The following TRPM3 variants were observed in gnomAD, a reference collection of about 807,000 sequenced individuals.
The protein encoded by TRPM3 is long transient receptor potential channel 3.
In TRPM3, 77 loss-of-function variants were observed where a neutral mutation model predicts 181.2. That is an observed-to-expected ratio of 0.42 (90% CI 0.35 to 0.51). TRPM3 has a LOEUF of 0.51. Among genes scored for constraint, TRPM3 ranks in the 20% least tolerant of loss-of-function variants. The probability of loss-of-function intolerance (pLI) is 0.01; values close to 1 mark genes in which losing one functional copy is unlikely to be tolerated. For synonymous variants in TRPM3, 745 were observed against 796.4 expected, an observed-to-expected ratio of 0.94 and a Z score of 1.09; for missense variants, 1,759 against 2,196.7, an observed-to-expected ratio of 0.80 and a Z score of 3.98.
intron 1 of TRPM3, among the ~76,000 whole-genome samples, chr9:71,140,486 T>C (rs1411170): frequency 0.95 from 144,667 of 152,242 alleles, 68,899 homozygotes; most frequent in East Asian, 1. Flanking sequence ...TTCTTCTCTC[T>C]TCCCCATCTT....
At chr9:70,976,057 T>C (rs954229522) in intron 1 of TRPM3, among the ~76,000 whole-genome samples, 2 of 152,190 alleles carry the variant, frequency 1.3e-5, no homozygotes, top group Non-Finnish European at 2.9e-5. Flanking sequence ...TTTAATTACA[T>C]CTAGCACGTA....
chr9:70,824,233 C>T (rs1051505424), intron 6 of TRPM3, among the ~76,000 whole-genome samples: 1 of 150,118 alleles, frequency 6.7e-6, no homozygotes, highest in Non-Finnish European at 1.5e-5. Flanking sequence ...TGCTGAGGGG[C>T]GTTCATACCT....
intron 1 of TRPM3, among the ~76,000 whole-genome samples, chr9:71,104,669 T>C (rs888298968): frequency 6.6e-6 from 1 of 152,200 alleles, no homozygotes; most frequent in Admixed American, 6.5e-5. Context: ...TCTTCCTCTC[T>C]TTGCTCAACT....
intron 9 of TRPM3, among the ~76,000 whole-genome samples, chr9:70,641,764 G>A (rs1038239563): frequency 3.3e-5 from 5 of 152,136 alleles, no homozygotes; most frequent in Non-Finnish European, 5.9e-5. Flanking sequence ...TCATCTAGGT[G>A]AATGCATCCT....
chr9:71,237,812 A>G (rs2081446354), intron 1 of TRPM3, among the ~76,000 whole-genome samples: 1 of 152,220 alleles, frequency 6.6e-6, no homozygotes, highest in Non-Finnish European at 1.5e-5. Context: ...CATTTGGTCT[A>G]GTGAGGGCCT....
intron 1 of TRPM3, among the ~76,000 whole-genome samples, chr9:71,299,130 CAGTCTAAG>C (rs769320040): frequency 2.0e-5 from 3 of 152,154 alleles, no homozygotes; most frequent in Non-Finnish European, 4.4e-5. Context: ...TTGCAGAGTA[CAGTCTAAG>C]ATAGATGCCA....
In TRPM3 at chr9:70,846,555, G is replaced by A. The variant is rs146800889; in HGVS notation, c.499C>T (p.Leu167Phe). ...RVSFDTKPDL[L>F]LHLMTKEWQL... The stretch of plus-strand genomic sequence containing the variant: ...CATTCCTTGGTCATCAGGTGTAAGA[G>A]GAGATCAGGTTTTGTATCAAAAGAT... Residue 167 changes from leucine (L) to phenylalanine (F), a missense_variant, in exon 4 of 26, where the codon CTC (leucine) becomes TTC (phenylalanine). Leu to Phe is a conservative substitution (Grantham distance 22). Around this residue, in one of 8 missense-constraint regions of TRPM3, gnomAD observed 737 missense variants for 957.4 expected, o/e 0.77. Transcript: ENST00000677713. The A allele has an allele frequency of 1.3e-4, 204 of 1,614,124 alleles. No individual in the cohort carries two copies. The highest frequency in any genetic ancestry group is 2.7e-4 in the East Asian group (12 of 44,872).
intron 1 of TRPM3, among the ~76,000 whole-genome samples, chr9:71,211,038 G>A (rs1380169736): frequency 2.6e-5 from 4 of 152,156 alleles, no homozygotes; most frequent in African/African-American, 7.2e-5. Context: ...ATACAGTCAC[G>A]TTGAGGGTTA....
intron 8 of TRPM3, chr9:70,761,220 T>C: frequency 1.7e-6 from 1 of 575,240 alleles, no homozygotes; most frequent in Non-Finnish European, 3.1e-6. Context: ...ATTAAAGCTA[T>C]TTGACAGAAA....
rs764343393 is a variant in TRPM3 at position 70,537,333 on chromosome 9, G to A, written c.3780C>T (p.Thr1260=). 4.0e-6 allele frequency: 6 copies of A among 1,518,320 alleles called. No individual in the cohort carries two copies. Among genetic ancestry groups the A allele is most frequent in the Admixed American group, 4.4e-5 (2 of 45,954 alleles). 94.1% of individuals were successfully genotyped at this position (1,518,320 alleles called of 1,614,324 possible). ...REHSMKASLQ[T]VDIRLAQLED... is the part of the protein sequence containing the mutation. ...CCAGCTGCGCCAGCCGGATGTCCAC[G>A]GTCTGGAGTGAAGCCTTCATGGAGT... Residue 1260 remains threonine (T), a synonymous_variant, in exon 26 of 26, where the codon ACC becomes ACT. Transcript: ENST00000677713.
intron 8 of TRPM3, 165 bp downstream of exon 8, chr9:70,761,436 T>C (rs1447365531): frequency 1.2e-6 from 1 of 847,432 alleles, no homozygotes; most frequent in Non-Finnish European, 2.0e-6. Flanking sequence ...AAAAGCAGTG[T>C]CTTAGTTACT....
At chr9:70,974,474 G>A (rs1252068896) in intron 1 of TRPM3, among the ~76,000 whole-genome samples, 5 of 152,104 alleles carry the variant, frequency 3.3e-5, no homozygotes, top group African/African-American at 1.2e-4. Context: ...GGGAGGCGGA[G>A]CTTGCAGGGA....
intron 1 of TRPM3, among the ~76,000 whole-genome samples, chr9:71,171,038 C>G (rs928106707): frequency 1.3e-5 from 2 of 152,114 alleles, no homozygotes; most frequent in African/African-American, 2.4e-5. Context: ...CAGCCCCCCC[C>G]AGGTGCTCCT....
chr9:70,862,221 C>A (rs898445899), intron 3 of TRPM3, among the ~76,000 whole-genome samples: 2 of 152,086 alleles, frequency 1.3e-5, no homozygotes, highest in African/African-American at 4.8e-5. Context: ...ATTTTCATAA[C>A]ACATGCTAGA....
chr9:70,764,556 G>T (rs1028526835), intron 7 of TRPM3, among the ~76,000 whole-genome samples: 5 of 152,110 alleles, frequency 3.3e-5, no homozygotes, highest in Non-Finnish European at 7.4e-5. Context: ...GGTTTCAGTG[G>T]TTAGGAAGCT....
intron 1 of TRPM3, among the ~76,000 whole-genome samples, chr9:71,012,265 C>T (rs2097751834): frequency 1.3e-5 from 2 of 152,112 alleles, no homozygotes; most frequent in African/African-American, 4.8e-5. Flanking sequence ...TAGAGATATT[C>T]CAATGATTAG....
chr9:70,941,999 G>GT (rs1030980303), intron 1 of TRPM3, among the ~76,000 whole-genome samples: 1 of 152,028 alleles, frequency 6.6e-6, no homozygotes, highest in African/African-American at 2.4e-5. Context: ...AATTCATAGG[G>GT]TTTTTTTCCC....
chr9:70,828,067 A>AGATATG, intron 5 of TRPM3, 49 bp from the exon 6 acceptor site: 1 of 1,549,314 alleles, frequency 6.5e-7, no homozygotes, highest in South Asian at 1.2e-5. Context: ...AAAGAACACA[A>AGATATG]GATATGAAAA....
chr9:70,772,952 A>G (rs1189827189), intron 7 of TRPM3, among the ~76,000 whole-genome samples: 1 of 151,724 alleles, frequency 6.6e-6, no homozygotes, highest in Non-Finnish European at 1.5e-5. Context: ...GGAAAAGTCA[A>G]ATTTTTTTTA....
Sources: gnomAD v4.1 joint callset for allele counts (sites outside exome capture counted in the v4.1 genomes callset) on GRCh38, gnomAD v4.1.1 for gene constraint, gnomAD v4.1.1 regional missense constraint, MANE v1.5 for transcripts, NCBI Gene and HGNC (gene_info 2026-07-23, HGNC 2026-07-21) for gene names.